The following IL1RL1 variants were observed in gnomAD, a reference collection of about 807,000 sequenced individuals.
IL1RL1 encodes the protein interleukin-1 receptor-like 1.
Under a neutral mutation model 50.9 loss-of-function variants are expected in IL1RL1, and 32 were observed. The observed-to-expected ratio is 0.63, with a 90% confidence interval of 0.47 to 0.84. The LOEUF is 0.84. Ranked by LOEUF, IL1RL1 falls within the 40% of genes least tolerant of loss-of-function variation. IL1RL1 has a pLI of 0.00. For synonymous variants in IL1RL1, 275 were observed against 236.0 expected (o/e 1.17, Z -1.51); for missense variants, 773 against 662.9 (o/e 1.17, Z -1.82).
chr2:102,340,686 A>T lies in IL1RL1; in HGVS notation c.468A>T (p.Gly156=). 6.3e-7 allele frequency: 1 copy of T among 1,594,116 alleles called. No homozygotes were observed. Among genetic ancestry groups the T allele is most frequent in the Non-Finnish European group, 8.5e-7 (1 of 1,174,750 alleles). ...EWFKNCQALQ[G]SRYRAHKSFL... ...TTCAGAATTGTCAGGCTCTTCAAGG[A>T]TCAAGGTACAGGGCGCACAAGTCAT... is the stretch of plus-strand genomic sequence containing the variant. Residue 156 remains glycine (G), a synonymous_variant, in exon 5 of 11, where the codon GGA becomes GGT. Transcript: ENST00000233954.
chr2:102,331,793 C>T (rs1677185938), intron 1 of IL1RL1, among the ~76,000 whole-genome samples: 1 of 152,136 alleles, frequency 6.6e-6, no homozygotes, highest in Admixed American at 6.5e-5. Flanking sequence ...TGAGGCTGGG[C>T]ATGGTGACTC....
chr2:102,333,423 C>T (rs1018675534), intron 1 of IL1RL1, among the ~76,000 whole-genome samples: 1 of 152,116 alleles, frequency 6.6e-6, no homozygotes, highest in Non-Finnish European at 1.5e-5. Context: ...TCTGAGCCAA[C>T]ATTCAGCATG....
chr2:102,340,985 G>A (rs904622603), intron 5 of IL1RL1, among the ~76,000 whole-genome samples, 157 bp downstream of exon 5: 8 of 152,066 alleles, frequency 5.3e-5, no homozygotes, highest in Non-Finnish European at 1.2e-4. Flanking sequence ...GACGCAAAGA[G>A]GTTTTCTGAA....
At chr2:102,328,626 A>G (rs565503605) in intron 1 of IL1RL1, among the ~76,000 whole-genome samples, 2 of 152,292 alleles carry the variant, frequency 1.3e-5, no homozygotes, top group East Asian at 3.9e-4. Context: ...CCTTAAGCTG[A>G]TAGGCAACTT....
chr2:102,314,082 C>A (rs1377796500), intron 1 of IL1RL1, among the ~76,000 whole-genome samples: 1 of 152,026 alleles, frequency 6.6e-6, no homozygotes, highest in Non-Finnish European at 1.5e-5. Flanking sequence ...TATTTGTGGG[C>A]CAAGGGTAGG....
chr2:102,317,043 A>G (rs1250349557), intron 1 of IL1RL1, among the ~76,000 whole-genome samples: 1 of 152,240 alleles, frequency 6.6e-6, no homozygotes, highest in Non-Finnish European at 1.5e-5. Flanking sequence ...TTTTAAAATC[A>G]GAGCAATTTC....
intron 8 of IL1RL1, chr2:102,344,149 A>C: frequency 6.3e-6 from 1 of 159,012 alleles, no homozygotes; most frequent in Non-Finnish European, 1.3e-5. Context: ...AGCGAGAGAG[A>C]GGTGCCACAC....
chr2:102,332,693 G>T (rs1439608423), intron 1 of IL1RL1, among the ~76,000 whole-genome samples: 1 of 152,152 alleles, frequency 6.6e-6, no homozygotes, highest in Non-Finnish European at 1.5e-5. Flanking sequence ...TGGGTATGGG[G>T]TTATACTCGG....
chr2:102,334,455 A>G (rs1209555400), intron 1 of IL1RL1, among the ~76,000 whole-genome samples: 1 of 152,176 alleles, frequency 6.6e-6, no homozygotes, highest in Non-Finnish European at 1.5e-5. Flanking sequence ...CATATTCTCC[A>G]GAGGCCCAGG....
chr2:102,345,203 T>A, intron 8 of IL1RL1: 1 of 982,850 alleles, frequency 1.0e-6, no homozygotes, highest in Non-Finnish European at 1.2e-6. Flanking sequence ...GATGAAGTGC[T>A]CTTCCCACAG....
intron 1 of IL1RL1, among the ~76,000 whole-genome samples, chr2:102,320,822 T>C (rs757789962): frequency 1.3e-5 from 2 of 152,202 alleles, no homozygotes; most frequent in Non-Finnish European, 2.9e-5. Context: ...CTGTCTCACC[T>C]GGATACCTCA....
intron 1 of IL1RL1, among the ~76,000 whole-genome samples, chr2:102,323,005 G>C (rs1027312628): frequency 6.6e-6 from 1 of 151,994 alleles, no homozygotes; most frequent in Non-Finnish European, 1.5e-5. Flanking sequence ...TGATGTTTTT[G>C]ACAGTCATCC....
intron 1 of IL1RL1, among the ~76,000 whole-genome samples, chr2:102,322,806 C>T (rs569276818): frequency 2.6e-5 from 4 of 152,192 alleles, no homozygotes; most frequent in Non-Finnish European, 4.4e-5. Context: ...TCACACCTTT[C>T]CAATCAAATT....
intron 10 of IL1RL1, among the ~76,000 whole-genome samples, chr2:102,350,838 C>T (rs986586140): frequency 1.3e-5 from 2 of 152,200 alleles, no homozygotes; most frequent in African/African-American, 2.4e-5. Flanking sequence ...AGACACCCGT[C>T]TGTGAGAATA....
At chr2:102,335,389 G>A (rs77660887) in intron 1 of IL1RL1, among the ~76,000 whole-genome samples, 47 of 151,912 alleles carry the variant, frequency 3.1e-4, no homozygotes, top group Non-Finnish European at 5.3e-4. Flanking sequence ...ACATTGGGGG[G>A]AGAAAAGCTT....
intron 1 of IL1RL1, among the ~76,000 whole-genome samples, chr2:102,323,273 A>ATATATAGTGT (rs1303334375): frequency 5.2e-4 from 25 of 48,498 alleles, no homozygotes; most frequent in Non-Finnish European, 9.4e-4. Flanking sequence ...ATATATATAT[A>ATATATAGTGT]GTGTGTGTGT....
intron 10 of IL1RL1, among the ~76,000 whole-genome samples, chr2:102,351,012 TAGTTTGGATCAAATC>T (rs2105002307): frequency 6.6e-6 from 1 of 152,324 alleles, no homozygotes; most frequent in Admixed American, 6.5e-5. Context: ...GAGATTTTTC[TAGTTTGGATCAAATC>T]AGTTTCTACA....
Position 102,340,703 on chromosome 2 carries a change from A to C in IL1RL1, c.485A>C (p.His162Pro). ...CTTCAAGGATCAAGGTACAGGGCGC[A>C]CAAGTCATTTTTGGTCATTGATAAT... Reference protein sequence around the residue: ...QALQGSRYRAHKSFLVIDNVM... With the variant: ...QALQGSRYRAPKSFLVIDNVM... Residue 162 changes from histidine to proline, a missense_variant, in exon 5 of 11, where the codon CAC becomes CCC. Transcript: ENST00000233954. 6.2e-7 allele frequency: 1 copy of C among 1,600,394 alleles called. No homozygotes were observed. The highest frequency in any genetic ancestry group is 8.5e-7 in the Non-Finnish European group (1 of 1,176,344).
rs371542078 is a variant in IL1RL1 at position 102,325,878 on chromosome 2, G to C, written c.-149-12238G>C. Among the ~76,000 whole-genome samples the C allele has an allele frequency of 2.0e-4, 30 of 152,318 alleles. 1 individual carries two copies. In the South Asian group the frequency reaches 5.2e-3, roughly 26 times the overall value. On this transcript the variant is annotated intron_variant, in intron 1 of 10. Transcript: ENST00000233954. ...GAAAAGACCAAATCTACATCTGATT[G>C]GTATACCTGAAAGTGACAGGTAGAA...
Sources: gnomAD v4.1 joint callset for allele counts (sites outside exome capture counted in the v4.1 genomes callset) on GRCh38, gnomAD v4.1.1 for gene constraint, MANE v1.5 for transcripts, NCBI Gene and HGNC (gene_info 2026-07-23, HGNC 2026-07-21) for gene names.